The following PDE8A variants were observed in gnomAD, a reference collection of about 807,000 sequenced individuals.
PDE8A encodes the protein high affinity cAMP-specific and IBMX-insensitive 3',5'-cyclic phosphodiesterase 8A.
PDE8A carries 59 observed loss-of-function variants against 105.0 expected under a neutral mutation model. That is an observed-to-expected ratio of 0.56 (90% CI 0.46 to 0.70). The LOEUF (loss-of-function observed/expected upper bound fraction) is 0.70. Ranked by LOEUF, PDE8A falls within the 30% of genes least tolerant of loss-of-function variation. PDE8A has a pLI of 0.00. For missense variants in PDE8A, 1,014 were observed against 1,045.9 expected (o/e 0.97, Z 0.42); for synonymous variants, 355 against 371.9 (o/e 0.95, Z 0.52).
chr15:85,009,038 G>A (rs1020834252), intron 1 of PDE8A, among the ~76,000 whole-genome samples: 2 of 152,060 alleles, frequency 1.3e-5, no homozygotes, highest in African/African-American at 2.4e-5. Context: ...AGAAGGAAGT[G>A]TCCTTCACAC....
At chr15:84,999,214 G>A (rs1242505730) in intron 1 of PDE8A, among the ~76,000 whole-genome samples, 4 of 148,388 alleles carry the variant, frequency 2.7e-5, no homozygotes, top group African/African-American at 1.0e-4. Context: ...TCTGCCTCCT[G>A]GGTTCAGGCG....
At chr15:85,057,914 TTTA>T (rs2081087484) in intron 1 of PDE8A, among the ~76,000 whole-genome samples, 1 of 152,176 alleles carries the variant, frequency 6.6e-6, no homozygotes, top group African/African-American at 2.4e-5. Context: ...GTATAATCCT[TTTA>T]TTATGCTGCT....
chr15:84,981,220 C>T (rs1247498319), upstream of PDE8A, among the ~76,000 whole-genome samples: 1 of 152,296 alleles, frequency 6.6e-6, no homozygotes, highest in African/African-American at 2.4e-5. Flanking sequence ...TCTGGGTAGC[C>T]CAGTCGGGCG....
At chr15:85,107,722 T>C (rs2081967260) in intron 11 of PDE8A, among the ~76,000 whole-genome samples, 2 of 152,162 alleles carry the variant, frequency 1.3e-5, no homozygotes, top group East Asian at 1.9e-4. Flanking sequence ...TCATTTGCAG[T>C]GCCTGAGGAG....
At chr15:85,044,484 C>A (rs1235922776) in intron 1 of PDE8A, among the ~76,000 whole-genome samples, 1 of 152,110 alleles carries the variant, frequency 6.6e-6, no homozygotes, top group East Asian at 1.9e-4. Context: ...CTGGAAAGGA[C>A]CAAGCAGATG....
chr15:85,019,501 A>G (rs979943842), intron 1 of PDE8A, among the ~76,000 whole-genome samples: 17 of 152,142 alleles, frequency 1.1e-4, no homozygotes, highest in African/African-American at 3.9e-4. Flanking sequence ...CGATCCACGT[A>G]TGTCAGCCCC....
At chr15:85,130,665 T>G (rs1218052669) in intron 20 of PDE8A, among the ~76,000 whole-genome samples, 1 of 152,230 alleles carries the variant, frequency 6.6e-6, no homozygotes, top group East Asian at 1.9e-4. Flanking sequence ...CTCCAGCCAT[T>G]ATTTTAGAAG....
intron 5 of PDE8A, among the ~76,000 whole-genome samples, chr15:85,082,566 C>T (rs567311956): frequency 4.9e-4 from 75 of 152,242 alleles, no homozygotes; most frequent in African/African-American, 1.8e-3. Context: ...GATCACAGTT[C>T]AGACGGGTCA....
upstream of PDE8A, among the ~76,000 whole-genome samples, chr15:84,981,761 G>A (rs1427674685): frequency 6.6e-6 from 1 of 151,128 alleles, no homozygotes; most frequent in Non-Finnish European, 1.5e-5. Context: ...GGGTCGTGCC[G>A]CAGCTCGGCG....
At chr15:85,009,670 T>G (rs2080209332) in intron 1 of PDE8A, among the ~76,000 whole-genome samples, 1 of 152,202 alleles carries the variant, frequency 6.6e-6, no homozygotes, top group Non-Finnish European at 1.5e-5. Context: ...AAAACAAATG[T>G]CACATGCTGT....
chr15:85,100,089 G>C (rs777026005), intron 10 of PDE8A, 23 bp downstream of exon 10: 1 of 1,613,482 alleles, frequency 6.2e-7, no homozygotes, highest in South Asian at 1.1e-5. Flanking sequence ...AGCCCCCCGG[G>C]GCCCCAGGAA....
chr15:85,072,495 G>T (rs1165253103), intron 3 of PDE8A, among the ~76,000 whole-genome samples: 1 of 152,174 alleles, frequency 6.6e-6, no homozygotes, highest in Non-Finnish European at 1.5e-5. Context: ...CTGGCCAATG[G>T]ACCTATCATG....
At chr15:85,090,877 C>T (rs2081631693) in intron 7 of PDE8A, 167 bp from the exon 8 acceptor site, 5 of 683,142 alleles carry the variant, frequency 7.3e-6, no homozygotes, top group Non-Finnish European at 1.3e-5. Flanking sequence ...CTCCAGAATT[C>T]TTCGTGGGTT....
At chr15:84,990,400 A>T (rs2079868979) in intron 1 of PDE8A, among the ~76,000 whole-genome samples, 1 of 152,108 alleles carries the variant, frequency 6.6e-6, no homozygotes, top group Non-Finnish European at 1.5e-5. Flanking sequence ...TCTTACCCCC[A>T]GCCACCAGCA....
At chr15:85,026,771 AAAAAC>A (rs1367423309) in intron 1 of PDE8A, among the ~76,000 whole-genome samples, 2 of 152,174 alleles carry the variant, frequency 1.3e-5, no homozygotes, top group African/African-American at 2.4e-5. Flanking sequence ...TCTCAAAACA[AAAAAC>A]AAAACAAAAC....
At chr15:85,064,739 A>G (rs1367254684) in intron 2 of PDE8A, among the ~76,000 whole-genome samples, 3 of 152,022 alleles carry the variant, frequency 2.0e-5, no homozygotes, top group East Asian at 3.9e-4. Context: ...GGATCTCTTG[A>G]GCTTGAGGAG....
intron 17 of PDE8A, 81 bp from the exon 18 acceptor site, chr15:85,120,716 T>C (rs1018473970): frequency 2.5e-5 from 20 of 807,194 alleles, no homozygotes; most frequent in African/African-American, 3.4e-5. Flanking sequence ...CTGAAAGTAA[T>C]AGGGGAGAAA....
chr15:85,002,959 A>T (rs2080089497), intron 1 of PDE8A, among the ~76,000 whole-genome samples: 1 of 152,128 alleles, frequency 6.6e-6, no homozygotes, highest in Non-Finnish European at 1.5e-5. Context: ...TGTATTTCTT[A>T]TTATATCACA....
At chr15:84,983,648 A>G (rs1020264562) in intron 1 of PDE8A, among the ~76,000 whole-genome samples, 1 of 152,366 alleles carries the variant, frequency 6.6e-6, no homozygotes, top group East Asian at 1.9e-4. Context: ...TGCTCTTAAT[A>G]TCAGTGTTAA....
Sources: allele counts gnomAD v4.1 joint callset (sites outside exome capture counted in the v4.1 genomes callset), GRCh38; gene constraint gnomAD v4.1.1; transcripts MANE v1.5; gene names NCBI Gene and HGNC (gene_info 2026-07-23, HGNC 2026-07-21).